Variants in PTPRK observed in about 807,000 individuals in gnomAD.
The protein encoded by PTPRK is receptor-type tyrosine-protein phosphatase kappa.
In PTPRK, 75 loss-of-function variants were observed where a neutral mutation model predicts 178.0. The ratio of observed to expected loss-of-function variants is 0.42; its 90% CI spans 0.35 to 0.51. PTPRK has a LOEUF of 0.51. Among genes scored for constraint, PTPRK ranks in the 20% least tolerant of loss-of-function variants. The pLI is 0.02. For missense variants in PTPRK, 1,441 were observed against 1,797.8 expected (o/e 0.80, Z 3.59); for synonymous variants, 637 against 620.6 (o/e 1.03, Z -0.39).
chr6:128,311,529 A>G (rs1827244456), intron 3 of PTPRK, among the ~76,000 whole-genome samples: 1 of 152,186 alleles, frequency 6.6e-6, no homozygotes, highest in Non-Finnish European at 1.5e-5. Context: ...CAGAGAGAGC[A>G]GTATGGCTGG....
chr6:128,407,089 T>C (rs556766207), intron 1 of PTPRK, among the ~76,000 whole-genome samples: 86 of 152,342 alleles, frequency 5.6e-4, no homozygotes, highest in Admixed American at 9.8e-4. Flanking sequence ...GTGTGTCAAT[T>C]AATTTGAAAA....
chr6:128,354,625 A>G (rs1298492397), intron 2 of PTPRK, among the ~76,000 whole-genome samples: 1 of 152,212 alleles, frequency 6.6e-6, no homozygotes, highest in African/African-American at 2.4e-5. Flanking sequence ...AAGCATCTAT[A>G]TAACTGGCAA....
intron 1 of PTPRK, among the ~76,000 whole-genome samples, chr6:128,470,349 G>A (rs1476029306): frequency 1.3e-5 from 2 of 151,696 alleles, no homozygotes; most frequent in South Asian, 2.1e-4. Context: ...TAATTATGAA[G>A]TGTTGTTTGA....
intron 1 of PTPRK, among the ~76,000 whole-genome samples, chr6:128,440,102 T>C (rs943308794): frequency 1.3e-5 from 2 of 152,174 alleles, no homozygotes; most frequent in Non-Finnish European, 2.9e-5. Context: ...TGTTCATACA[T>C]GTGGATTTCA....
At chr6:128,030,564 G>C (rs1775141679) in intron 13 of PTPRK, among the ~76,000 whole-genome samples, 1 of 152,092 alleles carries the variant, frequency 6.6e-6, no homozygotes, top group South Asian at 2.1e-4. Flanking sequence ...TTCTAGCTGT[G>C]CATCTTGAAA....
At chr6:128,142,737 A>C (rs1401866267) in intron 7 of PTPRK, among the ~76,000 whole-genome samples, 1 of 152,074 alleles carries the variant, frequency 6.6e-6, no homozygotes, top group Non-Finnish European at 1.5e-5. Flanking sequence ...ACAAAAATAA[A>C]GATTAATTTT....
intron 1 of PTPRK, among the ~76,000 whole-genome samples, chr6:128,470,338 C>T (rs939135548): frequency 1.3e-5 from 2 of 151,546 alleles, no homozygotes; most frequent in African/African-American, 2.4e-5. Context: ...GTCCTGAATG[C>T]TAATTATGAA....
rs777045290 is a variant in PTPRK, at chr6:128,434,091, AAC to A, written c.101-36405_101-36404del. Among the ~76,000 whole-genome samples the A allele has an allele frequency of 1.6e-4, 25 of 152,104 alleles. No individual in the cohort carries two copies. The South Asian group carries it at 1.9e-3, about 11-fold the overall frequency. On this transcript the variant is annotated intron_variant, in intron 1 of 29. Coordinates refer to ENST00000368226, the MANE Select transcript of PTPRK (RefSeq NM_002844.4). Reference sequence around the variant, plus strand: ...AAACCCATCTTGATTCCATTTAGACAACAGTCTAGGAACTACATGGATAAAAT... The same window carrying A: ...AAACCCATCTTGATTCCATTTAGACAAGTCTAGGAACTACATGGATAAAAT...
At chr6:128,330,410 A>G (rs1271886331) in intron 2 of PTPRK, among the ~76,000 whole-genome samples, 7 of 152,080 alleles carry the variant, frequency 4.6e-5, no homozygotes, top group Non-Finnish European at 1.0e-4. Flanking sequence ...AGTGGCAACA[A>G]ATATAACCAA....
intron 1 of PTPRK, among the ~76,000 whole-genome samples, chr6:128,442,760 A>G (rs1487968668): frequency 2.6e-5 from 4 of 152,214 alleles, no homozygotes; most frequent in African/African-American, 7.2e-5. Context: ...GAGCAGAACA[A>G]CTGAGGATAG....
intron 14 of PTPRK, 118 bp downstream of exon 14, chr6:128,009,011 TA>T: frequency 1.1e-6 from 1 of 909,890 alleles, no homozygotes. Context: ...ACAACATTGT[TA>T]AAATTAAAAT....
intron 1 of PTPRK, among the ~76,000 whole-genome samples, chr6:128,454,791 G>A (rs143137337): frequency 4.5e-4 from 68 of 152,136 alleles, no homozygotes; most frequent in African/African-American, 1.6e-3. Context: ...TTCTTGTAAT[G>A]TGGGTCTGCT....
chr6:128,201,845 G>A (rs967692107), intron 6 of PTPRK, among the ~76,000 whole-genome samples: 1 of 152,098 alleles, frequency 6.6e-6, no homozygotes, highest in Non-Finnish European at 1.5e-5. Flanking sequence ...TGTTTCTAGA[G>A]ACAAGATAAT....
intron 13 of PTPRK, among the ~76,000 whole-genome samples, chr6:128,046,694 C>G (rs1199637286): frequency 6.6e-6 from 1 of 151,838 alleles, no homozygotes; most frequent in Non-Finnish European, 1.5e-5. Flanking sequence ...TTTTTTAAAC[C>G]CTTGCTTTTA....
chr6:128,398,874 T>G (rs1840678476), intron 1 of PTPRK, among the ~76,000 whole-genome samples: 1 of 152,164 alleles, frequency 6.6e-6, no homozygotes, highest in African/African-American at 2.4e-5. Context: ...TGGCGTAATT[T>G]TCAGGGGTAA....
chr6:128,105,911 G>A (rs1789646227), intron 7 of PTPRK, among the ~76,000 whole-genome samples: 2 of 152,090 alleles, frequency 1.3e-5, no homozygotes, highest in South Asian at 4.1e-4. Context: ...TTACCACTCC[G>A]ATTATGATAA....
intron 5 of PTPRK, among the ~76,000 whole-genome samples, chr6:128,220,588 G>A (rs1162809766): frequency 6.6e-6 from 1 of 152,040 alleles, no homozygotes; most frequent in African/African-American, 2.4e-5. Flanking sequence ...AAAATGATTT[G>A]TTACTATCTA....
intron 2 of PTPRK, among the ~76,000 whole-genome samples, chr6:128,332,375 T>G (rs997521073): frequency 1.3e-5 from 2 of 152,220 alleles, no homozygotes; most frequent in African/African-American, 4.8e-5. Context: ...CACATCTATT[T>G]ACTTGTTTAT....
intron 7 of PTPRK, among the ~76,000 whole-genome samples, chr6:128,130,584 A>C (rs1211631648): frequency 6.6e-6 from 1 of 152,186 alleles, no homozygotes; most frequent in Non-Finnish European, 1.5e-5. Flanking sequence ...TATCGAGTGA[A>C]AGGGTTTCAT....
Sources: gnomAD v4.1 joint callset for allele counts (sites outside exome capture counted in the v4.1 genomes callset) on GRCh38, gnomAD v4.1.1 for gene constraint, MANE v1.5 for transcripts, NCBI Gene and HGNC (gene_info 2026-07-23, HGNC 2026-07-21) for gene names.